The following DARS2 variants were observed in gnomAD, a reference collection of about 807,000 sequenced individuals.
The protein encoded by DARS2 is aspartyl-tRNA synthetase 2, mitochondrial.
DARS2 carries 63 observed loss-of-function variants against 83.0 expected under a neutral mutation model. The ratio of observed to expected loss-of-function variants is 0.76; its 90% CI spans 0.62 to 0.94. DARS2 has a LOEUF of 0.94. Ranked by LOEUF, DARS2 falls within the 40% of genes least tolerant of loss-of-function variation. The probability of loss-of-function intolerance (pLI) is 0.00; values close to 1 mark genes in which losing one functional copy is unlikely to be tolerated. For missense variants in DARS2, 675 were observed against 774.4 expected, an observed-to-expected ratio of 0.87 and a Z score of 1.52; for synonymous variants, 250 against 269.3, an observed-to-expected ratio of 0.93 and a Z score of 0.70.
rs1395762454 is a variant in DARS2, at chr1:173,858,038, G to C, written c.*333G>C. ...ACCCAGATAGTAGATTATTCACTTAGGACAGAGGTAATCAAATTATGTGTG... is the reference window on the plus strand; with the variant it reads ...ACCCAGATAGTAGATTATTCACTTACGACAGAGGTAATCAAATTATGTGTG... On this transcript the variant is annotated 3_prime_UTR_variant, in exon 17 of 17. Coordinates refer to ENST00000649689, the MANE Select transcript of DARS2 (RefSeq NM_018122.5). The C allele has an allele frequency of 3.1e-6, 1 of 321,294 alleles. No individual in the cohort carries two copies. Among genetic ancestry groups the C allele is most frequent in the Non-Finnish European group, 6.0e-6 (1 of 165,932 alleles). 19.9% of individuals were successfully genotyped at this position (321,294 alleles called of 1,614,324 possible). A position where few individuals can be genotyped will look rare whatever the true frequency, so the allele number is the denominator to read the frequency against.
chr1:173,853,139 C>T (rs907548605), intron 13 of DARS2, among the ~76,000 whole-genome samples: 2 of 152,200 alleles, frequency 1.3e-5, no homozygotes, highest in African/African-American at 4.8e-5. Flanking sequence ...TATCAGTACT[C>T]ACCCAGTTGG....
chr1:173,845,322 T>A, intron 12 of DARS2, 31 bp downstream of exon 12: 1 of 1,458,534 alleles, frequency 6.9e-7, no homozygotes, highest in South Asian at 1.2e-5. Context: ...GTTTTTTTCC[T>A]TATACAGATT....
intron 13 of DARS2, 129 bp downstream of exon 13, chr1:173,850,608 T>TC: frequency 2.2e-6 from 2 of 910,402 alleles, no homozygotes; most frequent in East Asian, 6.6e-5. Flanking sequence ...CATAAATCTT[T>TC]TTTTTTTTTT....
chr1:173,833,632 TGTA>T, intron 6 of DARS2, 133 bp downstream of exon 6: 1 of 1,040,120 alleles, frequency 9.6e-7, no homozygotes. Flanking sequence ...CAATGTGTAA[TGTA>T]GTTTTTGAAG....
intron 2 of DARS2, 149 bp from the exon 3 acceptor site, chr1:173,828,184 T>C (rs1652655790): frequency 2.5e-6 from 2 of 806,302 alleles, no homozygotes; most frequent in Non-Finnish European, 4.0e-6. Flanking sequence ...TACATAATTA[T>C]CATAAAAAAC....
chr1:173,848,129 A>G (rs767552794), intron 12 of DARS2, among the ~76,000 whole-genome samples: 4 of 152,186 alleles, frequency 2.6e-5, no homozygotes, highest in Admixed American at 6.5e-5. Flanking sequence ...GTGGGATTAC[A>G]GGCGTGAGCC....
Position 173,857,712 on chromosome 1 carries a change from C to T in DARS2, c.*7C>T. 1.9e-6 allele frequency: 3 copies of T among 1,614,070 alleles called. No homozygotes were observed. The highest frequency in any genetic ancestry group is 3.3e-4 in the Middle Eastern group (2 of 6,062). ...AGCAGAAAGAGCTCATTGAATCATG[C>T]ATACCATGCAGAAAGTTGAGCTTTT... On this transcript the variant is annotated 3_prime_UTR_variant, in exon 17 of 17. Coordinates refer to ENST00000649689, the MANE Select transcript of DARS2 (RefSeq NM_018122.5).
chr1:173,850,202 T>C, intron 12 of DARS2, 125 bp from the exon 13 acceptor site: 2 of 1,114,598 alleles, frequency 1.8e-6, no homozygotes, highest in Non-Finnish European at 2.5e-6. Flanking sequence ...ATGGAGATAA[T>C]AGAGACAATC....
chr1:173,840,097 T>C (rs1297161753), intron 10 of DARS2, among the ~76,000 whole-genome samples: 4 of 152,216 alleles, frequency 2.6e-5, no homozygotes, highest in Non-Finnish European at 5.9e-5. Context: ...TCTTTAGAAA[T>C]TGGTCCTGCC....
chr1:173,837,460 T>C (rs1383190950), intron 8 of DARS2, among the ~76,000 whole-genome samples: 1 of 152,176 alleles, frequency 6.6e-6, no homozygotes, highest in African/African-American at 2.4e-5. Context: ...AGCTAGATCG[T>C]TGAGGACAGA....
intron 2 of DARS2, among the ~76,000 whole-genome samples, chr1:173,827,371 T>TGTAATCC (rs2102634895): frequency 1.3e-5 from 2 of 152,326 alleles, no homozygotes; most frequent in South Asian, 4.1e-4. Flanking sequence ...CGTGTAAGCC[T>TGTAATCC]GTAATCCCAG....
chr1:173,834,463 C>G lies in DARS2; in HGVS notation c.617-10C>G. On this transcript the variant is annotated splice_polypyrimidine_tract_variant and intron_variant, in intron 6 of 16. Transcript: ENST00000649689. ...CTATCTACTAAGTGATAATGTTTCT[C>G]TCTTTTTAGGGTTTGTGGATATAGA... The G allele has an allele frequency of 3.1e-6, 5 of 1,601,932 alleles. No homozygotes were observed. The highest frequency in any genetic ancestry group is 3.4e-6 in the Non-Finnish European group (4 of 1,169,282).
At position 173,830,375 on chromosome 1, in the gene DARS2, T is replaced by G. The variant is rs1173148819; in HGVS notation, c.295-285T>G. Among the ~76,000 whole-genome samples, 3 of 152,358 alleles carry G rather than the reference T, an allele frequency of 2.0e-5. No homozygotes were observed. The East Asian group carries it at 5.8e-4, about 29-fold the overall frequency. On this transcript the variant is annotated intron_variant, in intron 3 of 16. Transcript: ENST00000649689. ...CCTGGAGACAATTGCTTTTCAAGTA[T>G]GTGGGACTTGTTTGCACTAATAATA...
intron 6 of DARS2, among the ~76,000 whole-genome samples, chr1:173,833,759 A>G (rs995411353): frequency 3.9e-5 from 6 of 151,960 alleles, no homozygotes; most frequent in African/African-American, 1.2e-4. Context: ...GGCTTTTTCT[A>G]TAAGATTTCT....
chr1:173,851,763 G>T, intron 13 of DARS2: 1 of 853,524 alleles, frequency 1.2e-6, no homozygotes, highest in Non-Finnish European at 1.4e-6. Flanking sequence ...CAAAATGATA[G>T]TGTGTCTAAC....
chr1:173,835,262 G>C (rs1652959662), intron 7 of DARS2, among the ~76,000 whole-genome samples: 1 of 151,116 alleles, frequency 6.6e-6, no homozygotes, highest in African/African-American at 2.4e-5. Context: ...GCTAATTTTT[G>C]TATTTTTTTA....
At chr1:173,836,905 A>T (rs372096393) in intron 7 of DARS2, 35 bp from the exon 8 acceptor site, 1 of 1,580,734 alleles carries the variant, frequency 6.3e-7, no homozygotes, top group East Asian at 2.2e-5. Flanking sequence ...GTTTTTTAAT[A>T]ATCTGTCTTC....
chr1:173,830,836 C>CACATGACTGGACATTA, intron 4 of DARS2, 75 bp downstream of exon 4: 1 of 1,095,926 alleles, frequency 9.1e-7, no homozygotes, highest in Non-Finnish European at 1.4e-6. Context: ...ATTCTGGCAA[C>CACATGACTGGACATTA]ACATGACTGG....
intron 15 of DARS2, among the ~76,000 whole-genome samples, chr1:173,856,031 C>G (rs1477665295): frequency 6.6e-6 from 1 of 152,034 alleles, no homozygotes; most frequent in Non-Finnish European, 1.5e-5. Flanking sequence ...AATCAAATCA[C>G]CTGGAAAGCA....
Sources: allele counts gnomAD v4.1 joint callset (sites outside exome capture counted in the v4.1 genomes callset), GRCh38; gene constraint gnomAD v4.1.1; transcripts MANE v1.5; gene names NCBI Gene and HGNC (gene_info 2026-07-23, HGNC 2026-07-21).